GDF5: variants seen among roughly 807,000 people sequenced by gnomAD.
GDF5 encodes the protein growth/differentiation factor 5.
Under a neutral mutation model 34.6 loss-of-function variants are expected in GDF5, and 17 were observed. The ratio of observed to expected loss-of-function variants is 0.49; its 90% CI spans 0.34 to 0.74. The LOEUF is 0.74. GDF5 is among the 30% of genes least tolerant of loss of function. The probability of loss-of-function intolerance (pLI) is 0.01; values close to 1 mark genes in which losing one functional copy is unlikely to be tolerated. For missense variants in GDF5, 616 were observed against 661.2 expected, an observed-to-expected ratio of 0.93 and a Z score of 0.75; for synonymous variants, 332 against 290.7, an observed-to-expected ratio of 1.14 and a Z score of -1.44.
Position 35,434,048 on chromosome 20 carries a change from A to T in GDF5, c.1367T>A (p.Met456Lys). 1 of 1,612,474 alleles carries T rather than the reference A, an allele frequency of 6.2e-7. No individual in the cohort carries two copies. The highest frequency in any genetic ancestry group is 8.5e-7 in the Non-Finnish European group (1 of 1,179,390). ...GGTGGGTGGTGTGGACTCGGGGTCCATGGAGTTCATCAGGGTCTGGATGAC... is the reference window on the plus strand; with the variant it reads ...GGTGGGTGGTGTGGACTCGGGGTCCTTGGAGTTCATCAGGGTCTGGATGAC... Reference protein sequence around the residue: ...HAVIQTLMNSMDPESTPPTCC... With the variant: ...HAVIQTLMNSKDPESTPPTCC... The change falls in exon 2 of 2, where the codon ATG (methionine) becomes AAG (lysine). Residue 456 changes from methionine (M) to lysine (K), a missense_variant. By Grantham distance (95) the Met-to-Lys change is moderately conservative. Coordinates refer to ENST00000374369, the MANE Select transcript of GDF5 (RefSeq NM_000557.5).
chr20:35,438,863 A>ATG (rs797041759), upstream of GDF5, among the ~76,000 whole-genome samples: 142,307 of 144,370 alleles, frequency 0.99, 70,141 homozygotes, highest in Non-Finnish European at 0.99. Flanking sequence ...GTGTGTGTTT[A>ATG]TGTGCCTGTG....
Position 35,437,361 on chromosome 20 carries a change from T to C in GDF5, c.568A>G (p.Ser190Gly), listed in dbSNP as rs527275679. The change falls in exon 1 of 2, where the codon AGC becomes GGC. Residue 190 changes from serine (S) to glycine (G), a missense_variant. Ser to Gly is a moderately conservative substitution (Grantham distance 56, BLOSUM62 0). Transcript: ENST00000374369. ...AGGCCAGCCTCCAACTTCACGCTGC[T>C]GTTGCCTCCCTTTCTGTCAGCATCG... ...LSDADRKGGNSSVKLEAGLAN... is the reference protein window; with the variant it reads ...LSDADRKGGNGSVKLEAGLAN... 1.2e-5 allele frequency: 20 copies of C among 1,613,132 alleles called. No homozygotes were observed. The East Asian group carries it at 4.2e-4, about 34-fold the overall frequency.
At chr20:35,438,611 AG>A (rs1040009326), upstream of GDF5, among the ~76,000 whole-genome samples, 4 of 152,156 alleles carry the variant, frequency 2.6e-5, no homozygotes, top group Non-Finnish European at 5.9e-5. Context: ...CTCTAGGCTT[AG>A]GGGGCCTCCC....
chr20:35,451,476 A>T (rs2062533315), intron 1 of GDF5, among the ~76,000 whole-genome samples: 1 of 151,912 alleles, frequency 6.6e-6, no homozygotes, highest in African/African-American at 2.4e-5. Flanking sequence ...TTAAGTCTTT[A>T]TAGGACTCTT....
At chr20:35,451,638 G>C (rs919454525) in intron 1 of GDF5, among the ~76,000 whole-genome samples, 4 of 148,920 alleles carry the variant, frequency 2.7e-5, no homozygotes, top group African/African-American at 1.0e-4. Context: ...CTAGAGTGCA[G>C]TAGGGCCATC....
In GDF5 at chr20:35,437,868, A is replaced by G; in HGVS notation, c.61T>C (p.Phe21Leu). 1 of 1,614,120 alleles carries G rather than the reference A, an allele frequency of 6.2e-7. No homozygotes were observed. The highest frequency in any genetic ancestry group is 8.5e-7 in the Non-Finnish European group (1 of 1,180,026). ...GGGGCACCCAACACAGTGCAGATGA[A>G]TTCCAGGTCCAGCCAAGCCAGGTAC... is the stretch of plus-strand genomic sequence containing the variant. ...LWYLAWLDLE[F>L]ICTVLGAPDL... Residue 21 changes from phenylalanine (F) to leucine (L), a missense_variant, in exon 1 of 2, where the codon TTC becomes CTC. Transcript: ENST00000374369.
intron 1 of GDF5, among the ~76,000 whole-genome samples, chr20:35,447,785 T>G (rs1354290900): frequency 6.6e-6 from 1 of 152,102 alleles, no homozygotes; most frequent in Non-Finnish European, 1.5e-5. Flanking sequence ...GTCTCCTAGA[T>G]GACTTTCCAC....
At chr20:35,447,596 A>G (rs1423541276) in intron 1 of GDF5, among the ~76,000 whole-genome samples, 1 of 152,206 alleles carries the variant, frequency 6.6e-6, no homozygotes, top group Non-Finnish European at 1.5e-5. Flanking sequence ...TCTAGAAAAT[A>G]TTTTTATTTT....
chr20:35,442,732 A>G (rs2062502026), upstream of GDF5, among the ~76,000 whole-genome samples: 1 of 148,452 alleles, frequency 6.7e-6, no homozygotes, highest in African/African-American at 2.5e-5. Flanking sequence ...TTTTGTGGAG[A>G]CGGGGGTTTC....
At chr20:35,452,042 G>C (rs2062535503) in intron 1 of GDF5, among the ~76,000 whole-genome samples, 1 of 152,108 alleles carries the variant, frequency 6.6e-6, no homozygotes, top group African/African-American at 2.4e-5. Context: ...ATTCTCATAG[G>C]AGGCAAATCT....
intron 1 of GDF5, among the ~76,000 whole-genome samples, chr20:35,445,402 C>T (rs936828499): frequency 1.3e-5 from 2 of 152,024 alleles, no homozygotes; most frequent in East Asian, 3.9e-4. Flanking sequence ...CAGTGGCTCA[C>T]GCCTGTAATC....
chr20:35,434,562 C>T lies in GDF5; in HGVS notation c.853G>A (p.Gly285Ser). 1.3e-6 allele frequency: 2 copies of T among 1,591,354 alleles called. No individual in the cohort carries two copies. The highest frequency in any genetic ancestry group is 1.7e-6 in the Non-Finnish European group (2 of 1,167,400). Reference protein sequence around the residue: ...AALLDVRSVPGLDGSGWEVFD... With the variant: ...AALLDVRSVPSLDGSGWEVFD... Reference sequence around the variant, plus strand: ...ACCTCCCAGCCAGATCCGTCCAGGCCTGGCACGGAGCGCACATCCAGCAAG... The same window carrying T: ...ACCTCCCAGCCAGATCCGTCCAGGCTTGGCACGGAGCGCACATCCAGCAAG... The change falls in exon 2 of 2, where the codon GGC becomes AGC. Residue 285 changes from glycine to serine, a missense_variant. Gly to Ser is a moderately conservative substitution (Grantham distance 56). Coordinates refer to ENST00000374369, the MANE Select transcript of GDF5 (RefSeq NM_000557.5).
In GDF5 at chr20:35,437,356, G is replaced by A. The variant is rs774841558; in HGVS notation, c.573C>T (p.Ser191=). The A allele has an allele frequency of 3.1e-6, 5 of 1,613,026 alleles. No individual in the cohort carries two copies. The highest frequency in any genetic ancestry group is 1.1e-5 in the South Asian group (1 of 91,018). Residue 191 remains serine, a synonymous_variant, in exon 1 of 2, where the codon AGC becomes AGT. Transcript: ENST00000374369. ...SDADRKGGNS[S]VKLEAGLANT... is the part of the protein sequence containing the mutation. ...TGGCCAGGCCAGCCTCCAACTTCAC[G>A]CTGCTGTTGCCTCCCTTTCTGTCAG...
intron 1 of GDF5, among the ~76,000 whole-genome samples, chr20:35,435,925 A>G (rs1425713625): frequency 2.0e-5 from 3 of 152,134 alleles, no homozygotes; most frequent in African/African-American, 7.2e-5. Flanking sequence ...TGTATGTAAG[A>G]AGGTGTGTGT....
chr20:35,434,655 C>T lies in GDF5; in HGVS notation c.760G>A (p.Ala254Thr). Residue 254 changes from alanine (A) to threonine (T), a missense_variant, in exon 2 of 2, where the codon GCC becomes ACC. Transcript: ENST00000374369. ...TGGGCAGCCCGCCCGCCTCCGGGGG[C>T]CGCTGGCTTGGCCGTGTCCGAGGGC... ...KKPSDTAKPA[A>T]PGGGRAAQLK... 1 of 1,609,786 alleles carries T rather than the reference C, an allele frequency of 6.2e-7. No homozygotes were observed. Among genetic ancestry groups the T allele is most frequent in the Non-Finnish European group, 8.5e-7 (1 of 1,177,176 alleles).
At chr20:35,443,825 TATC>T (rs1236511360) in intron 1 of GDF5, among the ~76,000 whole-genome samples, 1 of 152,172 alleles carries the variant, frequency 6.6e-6, no homozygotes, top group Admixed American at 6.5e-5. Context: ...AGATTATTAT[TATC>T]CCTTTTTTAT....
chr20:35,445,851 T>G (rs1173621666), intron 1 of GDF5, among the ~76,000 whole-genome samples: 1 of 146,594 alleles, frequency 6.8e-6, no homozygotes, highest in African/African-American at 2.6e-5. Flanking sequence ...ATGCCTGTAA[T>G]CCCACTATTC....
intron 1 of GDF5, among the ~76,000 whole-genome samples, chr20:35,451,158 T>A (rs200463297): frequency 4.1e-4 from 61 of 148,418 alleles, no homozygotes; most frequent in South Asian, 1.3e-3. Context: ...ATATATATAT[T>A]TTTTAATTCA....
At chr20:35,438,904 T>G (rs1477335377), upstream of GDF5, among the ~76,000 whole-genome samples, 1 of 151,764 alleles carries the variant, frequency 6.6e-6, no homozygotes. Context: ...TGTGTGCCTG[T>G]GTGTGTGTAT....
Sources: allele counts gnomAD v4.1 joint callset (sites outside exome capture counted in the v4.1 genomes callset), GRCh38; gene constraint gnomAD v4.1.1; transcripts MANE v1.5; gene names NCBI Gene and HGNC (gene_info 2026-07-23, HGNC 2026-07-21).